Variants in ROBO2 observed in about 807,000 individuals in gnomAD.
ROBO2 encodes the protein roundabout homolog 2.
A neutral mutation model predicts 160.8 loss-of-function variants in ROBO2; 53 were observed. The ratio of observed to expected loss-of-function variants is 0.33; its 90% CI spans 0.26 to 0.41. The LOEUF is 0.41. Ranked by LOEUF, ROBO2 falls within the 10% of genes least tolerant of loss-of-function variation. The pLI is 1.00. For synonymous variants in ROBO2, 664 were observed against 611.7 expected (o/e 1.09, Z -1.26); for missense variants, 1,577 against 1,722.4 (o/e 0.92, Z 1.49).
Position 77,433,486 on chromosome 3 carries a change from GTATATATA to G in ROBO2, c.389-43902_389-43895del, listed in dbSNP as rs57475227. Among the ~76,000 whole-genome samples the G allele has an allele frequency of 1.2e-3, 124 of 99,402 alleles. 5 individuals are homozygous for G. Among genetic ancestry groups the G allele is most frequent in the African/African-American group, 2.5e-3 (71 of 28,368 alleles). The allele number at this position is 99,402 out of a possible 152,430, so 65.2% of individuals were successfully genotyped here. On this transcript the variant is annotated intron_variant, in intron 2 of 25. Transcript: ENST00000461745. ...GATTTTCCTTCTTCTCTGGCAACTT[GTATATATA>G]TATATATATATATATATATATATAT...
chr3:77,014,413 C>G (rs1269908847), intron 2 of ROBO2, among the ~76,000 whole-genome samples: 1 of 152,142 alleles, frequency 6.6e-6, no homozygotes, highest in Non-Finnish European at 1.5e-5. Flanking sequence ...CAGGGCTATG[C>G]TTGAATAGAG....
At chr3:77,602,958 C>T (rs1278004509) in intron 20 of ROBO2, 3 of 456,910 alleles carry the variant, frequency 6.6e-6, no homozygotes, top group African/African-American at 2.0e-5. Flanking sequence ...TCCTGACTAC[C>T]GATTGGCTGA....
At chr3:76,366,149 C>T (rs1288073421) in intron 2 of ROBO2, among the ~76,000 whole-genome samples, 1 of 152,020 alleles carries the variant, frequency 6.6e-6, no homozygotes, top group Non-Finnish European at 1.5e-5. Flanking sequence ...TGTCTGTCTA[C>T]ATGGCTAATT....
intron 2 of ROBO2, among the ~76,000 whole-genome samples, chr3:76,567,572 A>G (rs2084606158): frequency 7.0e-6 from 1 of 143,180 alleles, no homozygotes; most frequent in Non-Finnish European, 1.5e-5. Flanking sequence ...ACATAGGAAG[A>G]AAAGAAAATG....
At chr3:77,608,559 CAA>C (rs2094568561) in intron 21 of ROBO2, among the ~76,000 whole-genome samples, 2 of 152,118 alleles carry the variant, frequency 1.3e-5, no homozygotes, top group Admixed American at 6.5e-5. Context: ...TATTCTTTCC[CAA>C]ATGTCTCACA....
At chr3:76,987,913 A>G (rs187283434) in intron 2 of ROBO2, among the ~76,000 whole-genome samples, 73 of 152,260 alleles carry the variant, frequency 4.8e-4, no homozygotes, top group African/African-American at 1.6e-3. Flanking sequence ...TCACGTAAAG[A>G]TAATGTCAAA....
chr3:76,236,201 TGTA>T (rs1485660178), intron 2 of ROBO2, among the ~76,000 whole-genome samples: 3 of 152,110 alleles, frequency 2.0e-5, no homozygotes, highest in Non-Finnish European at 2.9e-5. Flanking sequence ...TCAATTTACA[TGTA>T]GTATAGATGT....
intron 2 of ROBO2, among the ~76,000 whole-genome samples, chr3:76,106,773 T>C (rs979276920): frequency 6.6e-6 from 1 of 152,144 alleles, no homozygotes; most frequent in African/African-American, 2.4e-5. Flanking sequence ...TTTGTAATGA[T>C]ATTTGATTTA....
chr3:76,666,753 T>G (rs948108885), intron 2 of ROBO2, among the ~76,000 whole-genome samples: 8 of 152,158 alleles, frequency 5.3e-5, no homozygotes, highest in Admixed American at 1.3e-4. Context: ...AGTTTACGTC[T>G]GATTTACTTT....
intron 2 of ROBO2, among the ~76,000 whole-genome samples, chr3:77,422,807 C>T (rs1330987968): frequency 3.3e-5 from 5 of 152,036 alleles, no homozygotes; most frequent in Non-Finnish European, 2.9e-5. Flanking sequence ...TTTATAAAAG[C>T]GTAGAAGGCA....
chr3:76,199,145 T>C (rs1229023493), intron 2 of ROBO2, among the ~76,000 whole-genome samples: 5 of 152,148 alleles, frequency 3.3e-5, no homozygotes, highest in Non-Finnish European at 7.4e-5. Flanking sequence ...CCTCCCAGTC[T>C]GCCACCCAAG....
At chr3:76,800,378 A>G (rs2064106496) in intron 2 of ROBO2, among the ~76,000 whole-genome samples, 1 of 152,222 alleles carries the variant, frequency 6.6e-6, no homozygotes, top group Admixed American at 6.5e-5. Context: ...ATGGGATCAC[A>G]TCAAGTTAAA....
chr3:76,617,966 A>G (rs1302144936), intron 2 of ROBO2, among the ~76,000 whole-genome samples: 1 of 151,614 alleles, frequency 6.6e-6, no homozygotes, highest in East Asian at 1.9e-4. Context: ...TATGGGAACT[A>G]CAATTCAAGA....
intron 2 of ROBO2, among the ~76,000 whole-genome samples, chr3:77,251,736 A>C: frequency 6.6e-6 from 1 of 152,066 alleles, no homozygotes; most frequent in East Asian, 1.9e-4. Context: ...TTAGTGAATA[A>C]GTCTCACGAG....
chr3:76,120,893 A>C (rs2070724997), intron 2 of ROBO2, among the ~76,000 whole-genome samples: 1 of 152,204 alleles, frequency 6.6e-6, no homozygotes, highest in African/African-American at 2.4e-5. Flanking sequence ...ACTTGCCTGC[A>C]ATATAAATAC....
intron 2 of ROBO2, among the ~76,000 whole-genome samples, chr3:76,618,945 T>A (rs919637573): frequency 1.4e-4 from 22 of 151,786 alleles, no homozygotes; most frequent in Non-Finnish European, 2.6e-4. Flanking sequence ...TCCCTTAACA[T>A]CTGTTCCACT....
chr3:76,197,808 A>T (rs1399548956), intron 2 of ROBO2, among the ~76,000 whole-genome samples: 2 of 152,180 alleles, frequency 1.3e-5, no homozygotes, highest in African/African-American at 2.4e-5. Context: ...TAGAGCCAGG[A>T]TGTTTTGAAA....
intron 2 of ROBO2, among the ~76,000 whole-genome samples, chr3:76,479,870 A>G (rs919151501): frequency 1.3e-5 from 2 of 152,184 alleles, no homozygotes; most frequent in Admixed American, 1.3e-4. Context: ...AAGAGTTTGC[A>G]TTAAGCAACC....
At chr3:76,472,051 T>A (rs575395738) in intron 2 of ROBO2, among the ~76,000 whole-genome samples, 5 of 150,074 alleles carry the variant, frequency 3.3e-5, no homozygotes, top group African/African-American at 4.9e-5. Flanking sequence ...CATTTCTCTG[T>A]GGTCTGATAA....
Sources: allele counts gnomAD v4.1 joint callset (sites outside exome capture counted in the v4.1 genomes callset), GRCh38; gene constraint gnomAD v4.1.1; transcripts MANE v1.5; gene names NCBI Gene and HGNC (gene_info 2026-07-23, HGNC 2026-07-21).